DOK6: variants seen among roughly 807,000 people sequenced by gnomAD.
DOK6 encodes downstream of tyrosine kinase 6.
Under a neutral mutation model 44.0 loss-of-function variants are expected in DOK6, and 22 were observed. The ratio of observed to expected loss-of-function variants is 0.50; its 90% confidence interval spans 0.36 to 0.71. The LOEUF (loss-of-function observed/expected upper bound fraction) is 0.71. Ranked by LOEUF, DOK6 falls within the 30% of genes least tolerant of loss-of-function variation. The pLI is 0.00. For missense variants in DOK6, 340 were observed against 416.4 expected, an observed-to-expected ratio of 0.82 and a Z score of 1.60; for synonymous variants, 166 against 145.5, an observed-to-expected ratio of 1.14 and a Z score of -1.01.
chr18:69,553,215 A>G (rs764447266), intron 1 of DOK6, among the ~76,000 whole-genome samples: 6 of 152,230 alleles, frequency 3.9e-5, no homozygotes, highest in Non-Finnish European at 8.8e-5. Context: ...CAGGAAAGAT[A>G]ATAAAACATC....
chr18:69,574,809 A>G (rs1316753977), intron 2 of DOK6, among the ~76,000 whole-genome samples: 1 of 152,098 alleles, frequency 6.6e-6, no homozygotes, highest in South Asian at 2.1e-4. Context: ...AAAAAAATCC[A>G]TTTTTGTGGT....
intron 1 of DOK6, among the ~76,000 whole-genome samples, chr18:69,462,505 T>C (rs1979815535): frequency 6.6e-6 from 1 of 152,198 alleles, no homozygotes; most frequent in South Asian, 2.1e-4. Flanking sequence ...ATTGCTTCTT[T>C]CAATTTTGGT....
At chr18:69,553,269 G>T (rs1230046266) in intron 1 of DOK6, among the ~76,000 whole-genome samples, 1 of 152,170 alleles carries the variant, frequency 6.6e-6, no homozygotes. Flanking sequence ...CGTAACAGTT[G>T]TGCATAGTGT....
intron 5 of DOK6, among the ~76,000 whole-genome samples, chr18:69,734,542 C>G (rs999005320): frequency 6.6e-6 from 1 of 151,694 alleles, no homozygotes; most frequent in East Asian, 1.9e-4. Context: ...TATAATTAAA[C>G]GTTAAATTTT....
chr18:69,764,429 G>T (rs1036071603), intron 7 of DOK6, among the ~76,000 whole-genome samples: 15 of 152,102 alleles, frequency 9.9e-5, no homozygotes, highest in Admixed American at 3.3e-4. Context: ...CCTCATGGGC[G>T]GTCATTAGGT....
intron 1 of DOK6, among the ~76,000 whole-genome samples, chr18:69,551,124 G>A (rs1982556378): frequency 6.6e-6 from 1 of 152,088 alleles, no homozygotes; most frequent in South Asian, 2.1e-4. Flanking sequence ...TTGAATTTTT[G>A]AAGAAAGCTT....
chr18:69,712,790 T>C (rs547182906), intron 5 of DOK6, among the ~76,000 whole-genome samples: 8 of 152,296 alleles, frequency 5.3e-5, no homozygotes, highest in African/African-American at 1.9e-4. Flanking sequence ...GAGGTTGCAG[T>C]GAGCCGAGAT....
intron 7 of DOK6, among the ~76,000 whole-genome samples, chr18:69,807,989 ATATACAT>A (rs1981104967): frequency 6.6e-6 from 1 of 151,894 alleles, no homozygotes; most frequent in East Asian, 1.9e-4. Flanking sequence ...TAGCAGCAGA[ATATACAT>A]TTTTCTAAGC....
At chr18:69,691,788 C>T (rs527702768) in intron 4 of DOK6, among the ~76,000 whole-genome samples, 2 of 152,226 alleles carry the variant, frequency 1.3e-5, no homozygotes, top group South Asian at 4.2e-4. Context: ...GGAGCTCCAG[C>T]TGAAAGATGA....
chr18:69,791,559 GA>G (rs1357304247), intron 7 of DOK6, among the ~76,000 whole-genome samples: 1 of 152,166 alleles, frequency 6.6e-6, no homozygotes, highest in East Asian at 1.9e-4. Context: ...CTTCTTTCGA[GA>G]AATGTCTATC....
chr18:69,662,891 C>T (rs1164412761), intron 3 of DOK6: 1 of 152,164 alleles, frequency 6.6e-6, no homozygotes, highest in Non-Finnish European at 1.5e-5. Flanking sequence ...AGGATGGATC[C>T]AGCCTTCAAG....
chr18:69,787,988 A>C (rs1980483748), intron 7 of DOK6, among the ~76,000 whole-genome samples: 1 of 152,132 alleles, frequency 6.6e-6, no homozygotes, highest in Admixed American at 6.6e-5. Context: ...TTATAAGTGT[A>C]TTTCTGCAGA....
chr18:69,540,807 G>A (rs887584978), intron 1 of DOK6, among the ~76,000 whole-genome samples: 10 of 151,884 alleles, frequency 6.6e-5, no homozygotes, highest in Non-Finnish European at 1.2e-4. Flanking sequence ...AAATATATAG[G>A]CATTTCACCT....
At chr18:69,429,573 C>T (rs1281736526) in intron 1 of DOK6, among the ~76,000 whole-genome samples, 1 of 126,934 alleles carries the variant, frequency 7.9e-6, no homozygotes, top group African/African-American at 2.9e-5. Context: ...ATACAAACAA[C>T]ATCTATATCT....
chr18:69,611,373 TAC>T (rs1404870101), intron 3 of DOK6, among the ~76,000 whole-genome samples: 1 of 152,130 alleles, frequency 6.6e-6, no homozygotes, highest in African/African-American at 2.4e-5. Flanking sequence ...TGTAAAATGG[TAC>T]AGTCAGTTTG....
chr18:69,545,129 A>T lies in DOK6; in HGVS notation c.67-19358A>T, dbSNP rs930690368. Among the ~76,000 whole-genome samples the T allele has an allele frequency of 4.0e-4, 60 of 149,486 alleles. 2 individuals are homozygous for T. Among genetic ancestry groups the T allele is most frequent in the African/African-American group, 1.3e-3 (54 of 40,606 alleles). ...AGCGAGACACCATAAAAAAAAAAAA[A>T]TTACAACCCATGATATCAGAAAACA... On this transcript the variant is annotated intron_variant, in intron 1 of 7. Transcript: ENST00000382713.
chr18:69,411,733 T>G (rs1404065852), intron 1 of DOK6, among the ~76,000 whole-genome samples: 1 of 152,160 alleles, frequency 6.6e-6, no homozygotes, highest in South Asian at 2.1e-4. Context: ...TTGATATCAC[T>G]CATCAGTTTT....
intron 7 of DOK6, among the ~76,000 whole-genome samples, chr18:69,761,414 G>C (rs1252514521): frequency 1.3e-5 from 2 of 152,158 alleles, no homozygotes; most frequent in African/African-American, 2.4e-5. Flanking sequence ...GGTGTGTGTT[G>C]GGAGTGGGGC....
At chr18:69,740,082 G>A (rs1273624814) in intron 6 of DOK6, among the ~76,000 whole-genome samples, 1 of 152,080 alleles carries the variant, frequency 6.6e-6, no homozygotes, top group East Asian at 1.9e-4. Context: ...CTGGGGTACG[G>A]TTAAAAAAGA....
Sources: allele counts gnomAD v4.1 joint callset (sites outside exome capture counted in the v4.1 genomes callset), GRCh38; gene constraint gnomAD v4.1.1; transcripts MANE v1.5; gene names NCBI Gene and HGNC (gene_info 2026-07-23, HGNC 2026-07-21).